The following PCDHA8 variants were observed in gnomAD, a reference collection of about 807,000 sequenced individuals.
The protein encoded by PCDHA8 is protocadherin alpha 8.
PCDHA8 carries 53 observed loss-of-function variants against 61.8 expected under a neutral mutation model. The ratio of observed to expected loss-of-function variants is 0.86; its 90% confidence interval spans 0.69 to 1.08. The LOEUF (loss-of-function observed/expected upper bound fraction) is 1.08, where lower values mean the gene tolerates loss of function less well. Among genes scored for constraint, PCDHA8 ranks in the 50% least tolerant of loss-of-function variants. PCDHA8 has a pLI of 0.00. For synonymous variants in PCDHA8, 618 were observed against 556.6 expected (o/e 1.11, Z -1.55); for missense variants, 1,293 against 1,245.0 (o/e 1.04, Z -0.58).
rs1346870417 is a variant in PCDHA8 at position 140,982,634 on chromosome 5, TC to T, written c.2542+72del. 11 of 1,555,302 alleles carry T rather than the reference TC, an allele frequency of 7.1e-6. No homozygotes were observed. In the Admixed American group the frequency reaches 2.2e-4, roughly 30 times the overall value. ...GATCAGATGACCTACTTTTGTAAGATCAGGAATGTTGATGGCTCTTTTTCTT... is the reference window on the plus strand; with the variant it reads ...GATCAGATGACCTACTTTTGTAAGATAGGAATGTTGATGGCTCTTTTTCTT... On this transcript the variant is annotated intron_variant, in intron 3 of 3. Transcript: ENST00000531613.
rs183786609 is a variant in PCDHA8, at chr5:140,896,576, C to T, written c.2394+52861C>T. ...ATTTTAAGTAGAGATGGGGTTTTGA[C>T]GTGTTGGCCAGGCTGGTCTCGAACT... On this transcript the variant is annotated intron_variant, in intron 1 of 3. Transcript: ENST00000531613. Among the ~76,000 whole-genome samples the T allele has an allele frequency of 3.4e-4, 51 of 151,254 alleles. No individual in the cohort carries two copies. The East Asian group carries it at 4.9e-3, about 14-fold the overall frequency.
At chr5:140,861,531 T>G (rs1219248238) in intron 1 of PCDHA8, 2 of 447,948 alleles carry the variant, frequency 4.5e-6, no homozygotes, top group Non-Finnish European at 9.2e-6. Flanking sequence ...GATCTCGGAG[T>G]GCAGCATCCA....
chr5:140,993,380 C>G (rs1304300325), intron 3 of PCDHA8, among the ~76,000 whole-genome samples: 1 of 151,860 alleles, frequency 6.6e-6, no homozygotes, highest in Non-Finnish European at 1.5e-5. Context: ...CCAGCCGGGT[C>G]CCTGAAACTC....
chr5:140,853,779 T>G lies in PCDHA8; in HGVS notation c.2394+10064T>G, dbSNP rs958716488. On this transcript the variant is annotated intron_variant, in intron 1 of 3. Coordinates refer to ENST00000531613, the MANE Select transcript of PCDHA8 (RefSeq NM_018911.3). ...ACCTCAGAAATTCTGAAATGGGTAG[T>G]AAGAGCAAATTTTCATTTTAAAGCA... 3.5e-5 allele frequency: 35 copies of G among 987,624 alleles called. No individual in the cohort carries two copies. In the African/African-American group the frequency reaches 6.2e-4, roughly 17 times the overall value. 61.2% of individuals were successfully genotyped at this position (987,624 alleles called of 1,614,324 possible).
chr5:140,871,658 C>A, intron 1 of PCDHA8: 1 of 1,224,214 alleles, frequency 8.2e-7, no homozygotes, highest in Non-Finnish European at 1.1e-6. Flanking sequence ...TGATACACAT[C>A]TTCAGTCTTT....
chr5:140,877,818 T>C (rs1207543793), intron 1 of PCDHA8: 1 of 1,608,890 alleles, frequency 6.2e-7, no homozygotes, highest in Non-Finnish European at 8.5e-7. Flanking sequence ...CTCGAGAAGA[T>C]TGTTTAAATC....
intron 1 of PCDHA8, chr5:140,883,223 T>C: frequency 6.2e-7 from 1 of 1,613,922 alleles, no homozygotes; most frequent in Non-Finnish European, 8.5e-7. Flanking sequence ...ATATGAAATA[T>C]CCGTGGAGGC....
intron 3 of PCDHA8, among the ~76,000 whole-genome samples, chr5:140,997,130 C>T (rs1480730795): frequency 6.6e-6 from 1 of 151,984 alleles, no homozygotes; most frequent in Non-Finnish European, 1.5e-5. Flanking sequence ...TACACAATGC[C>T]CCCACACCCC....
intron 1 of PCDHA8, chr5:140,869,211 G>A (rs375218342): frequency 1.2e-6 from 2 of 1,613,956 alleles, no homozygotes; most frequent in Admixed American, 1.7e-5. Flanking sequence ...ACTCCGTCTC[G>A]GAGGAGGCCA....
chr5:140,856,535 G>C (rs782625131), intron 1 of PCDHA8: 1 of 1,598,416 alleles, frequency 6.3e-7, no homozygotes, highest in Non-Finnish European at 8.6e-7. Flanking sequence ...GGATGTTGGA[G>C]AGAACGCATT....
In PCDHA8 at chr5:140,925,899, G is replaced by T. The variant is rs149135478; in HGVS notation, c.2395-53050G>T. ...TATAACCTCCTCTTTCACCCAGATC[G>T]TCAAGGGCCGTTTGCAAAGCACTCC... is the stretch of plus-strand genomic sequence containing the variant. On this transcript the variant is annotated intron_variant, in intron 1 of 3. Transcript: ENST00000531613. Among the ~76,000 whole-genome samples, 277 of 151,958 alleles carry T rather than the reference G, an allele frequency of 1.8e-3. 3 individuals carry two copies. The highest frequency in any genetic ancestry group is 6.4e-3 in the African/African-American group (264 of 41,382).
chr5:140,877,807 T>C, intron 1 of PCDHA8: 1 of 1,611,556 alleles, frequency 6.2e-7, no homozygotes, highest in Non-Finnish European at 8.5e-7. Context: ...CCTTCAGCTG[T>C]CTCGAGAAGA....
At chr5:140,862,559 A>C in intron 1 of PCDHA8, 1 of 470,052 alleles carries the variant, frequency 2.1e-6, no homozygotes, top group Non-Finnish European at 4.3e-6. Context: ...CGAACAGTGA[A>C]CCACAATGCC....
At chr5:141,000,421 A>ATATTTTTTTTTTT (rs1265241806) in intron 3 of PCDHA8, among the ~76,000 whole-genome samples, 1 of 27,968 alleles carries the variant, frequency 3.6e-5, no homozygotes, top group African/African-American at 1.8e-4. Flanking sequence ...ATATATATAT[A>ATATTTTTTTTTTT]TTTTTTTTTT....
chr5:140,943,465 G>C (rs1332571516), intron 1 of PCDHA8, among the ~76,000 whole-genome samples: 3 of 152,022 alleles, frequency 2.0e-5, no homozygotes, highest in African/African-American at 7.2e-5. Context: ...CTAAATGTGG[G>C]AGATACAGTA....
chr5:140,875,484 C>T (rs1442383636), intron 1 of PCDHA8: 2 of 1,611,246 alleles, frequency 1.2e-6, no homozygotes, highest in Non-Finnish European at 1.7e-6. Flanking sequence ...TGGTGATTAT[C>T]GGACCAAGAG....
intron 1 of PCDHA8, among the ~76,000 whole-genome samples, chr5:140,938,897 G>A (rs72800999): frequency 0.012 from 1,856 of 151,306 alleles, 24 homozygotes; most frequent in Non-Finnish European, 0.018. Flanking sequence ...ACACAGATGC[G>A]CACACACACA....
chr5:141,000,647 C>G (rs1442819157), intron 3 of PCDHA8, among the ~76,000 whole-genome samples: 1 of 151,182 alleles, frequency 6.6e-6, no homozygotes, highest in Non-Finnish European at 1.5e-5. Context: ...AGGCTGGTCT[C>G]GAACTCCTGA....
chr5:140,858,160 G>A, intron 1 of PCDHA8: 1 of 1,597,718 alleles, frequency 6.3e-7, no homozygotes, highest in Non-Finnish European at 8.6e-7. Flanking sequence ...CCATCTGCGC[G>A]GTGTCCAGCT....
Sources: allele counts gnomAD v4.1 joint callset (sites outside exome capture counted in the v4.1 genomes callset), GRCh38; gene constraint gnomAD v4.1.1; transcripts MANE v1.5; gene names NCBI Gene and HGNC (gene_info 2026-07-23, HGNC 2026-07-21).